ZNF600: variants seen among roughly 807,000 people sequenced by gnomAD.
ZNF600 encodes zinc finger protein KR-ZNF1.
Under a neutral mutation model 7.3 loss-of-function variants are expected in ZNF600, and 4 were observed. The observed-to-expected ratio is 0.55, with a 90% CI of 0.27 to 1.25. The LOEUF (loss-of-function observed/expected upper bound fraction) is 1.25. Ranked by LOEUF, ZNF600 falls within the 50% of genes most tolerant of loss-of-function variation. The probability of loss-of-function intolerance (pLI) is 0.12; values close to 1 mark genes in which losing one functional copy is unlikely to be tolerated. For synonymous variants in ZNF600, 290 were observed against 308.9 expected (o/e 0.94, Z 0.64); for missense variants, 911 against 922.1 (o/e 0.99, Z 0.16).
chr19:52,782,078 A>C (rs1411327104), intron 1 of ZNF600, among the ~76,000 whole-genome samples: 1 of 151,718 alleles, frequency 6.6e-6, no homozygotes, highest in Non-Finnish European at 1.5e-5. Flanking sequence ...ATATCTAAAC[A>C]TTAGCCAGGC....
chr19:52,793,506 C>T, the ZNF600 span, among the ~76,000 whole-genome samples: 1 of 152,064 alleles, frequency 6.6e-6, no homozygotes, highest in African/African-American at 2.4e-5. Flanking sequence ...GGAAAGCAGC[C>T]CGTGTGGCTG....
chr19:52,784,111 C>G (rs983739269), intron 1 of ZNF600, among the ~76,000 whole-genome samples: 2 of 152,090 alleles, frequency 1.3e-5, no homozygotes, highest in Non-Finnish European at 2.9e-5. Flanking sequence ...TAGGTAGGCC[C>G]GGCATGGCGG....
chr19:52,770,691 C>T (rs1261232961), intron 3 of ZNF600, among the ~76,000 whole-genome samples: 8 of 152,006 alleles, frequency 5.3e-5, no homozygotes, highest in Non-Finnish European at 8.8e-5. Context: ...TTCCCTGGCC[C>T]GAATGTTCAC....
chr19:52,786,567 C>G (rs1326382172), intron 1 of ZNF600, 28 bp downstream of exon 1: 1 of 169,542 alleles, frequency 5.9e-6, no homozygotes, highest in Non-Finnish European at 1.3e-5. Context: ...ACTTCAAACC[C>G]AAAAGCAAGC....
the ZNF600 span, among the ~76,000 whole-genome samples, chr19:52,827,916 C>T: frequency 1.3e-5 from 2 of 152,052 alleles, no homozygotes; most frequent in African/African-American, 2.4e-5. Context: ...AAACGTGTCA[C>T]GCAGGACGCT....
chr19:52,766,170 T>C (rs2062573052), exon 4 of ZNF600: 12 of 1,614,120 alleles, frequency 7.4e-6, no homozygotes, highest in Non-Finnish European at 1.0e-5. Flanking sequence ...GCTGCACTCA[T>C]TACACTTGTA....
the ZNF600 span, chr19:52,810,156 A>C: frequency 7.5e-6 from 7 of 927,668 alleles, no homozygotes; most frequent in Non-Finnish European, 1.1e-5. Context: ...GCTGGAAGCT[A>C]TCGAAGCTGG....
exon 4 of ZNF600, chr19:52,766,712 A>G: frequency 1.2e-6 from 2 of 1,613,976 alleles, no homozygotes; most frequent in Non-Finnish European, 1.7e-6. Context: ...GAATTCTTTT[A>G]TGTCTTGCCA....
At chr19:52,822,589 C>G in the ZNF600 span, among the ~76,000 whole-genome samples, 2 of 152,082 alleles carry the variant, frequency 1.3e-5, no homozygotes, top group Admixed American at 6.5e-5. Context: ...TCTATGCAAC[C>G]CGTTAAGTAC....
chr19:52,829,819 G>C, the ZNF600 span, among the ~76,000 whole-genome samples: 5 of 151,936 alleles, frequency 3.3e-5, no homozygotes, highest in African/African-American at 4.8e-5. Context: ...GCCAGTCTAA[G>C]CTGTTTCTGA....
At chr19:52,811,740 C>T in the ZNF600 span, among the ~76,000 whole-genome samples, 6 of 149,608 alleles carry the variant, frequency 4.0e-5, no homozygotes, top group African/African-American at 5.0e-5. Context: ...GCCCGGCAGC[C>T]GCCCCGTCCG....
At chr19:52,832,761 TTCTC>T in the ZNF600 span, among the ~76,000 whole-genome samples, 5 of 151,854 alleles carry the variant, frequency 3.3e-5, no homozygotes, top group South Asian at 2.1e-4. Context: ...GAGCGACATT[TTCTC>T]TCTCTCTCTC....
chr19:52,793,856 G>A, the ZNF600 span, among the ~76,000 whole-genome samples: 5 of 151,352 alleles, frequency 3.3e-5, no homozygotes, highest in East Asian at 9.7e-4. Flanking sequence ...ATGTATACGT[G>A]TAACTTTCTC....
At chr19:52,765,956 A>G in exon 4 of ZNF600, 1 of 1,614,228 alleles carries the variant, frequency 6.2e-7, no homozygotes, top group Non-Finnish European at 8.5e-7. Context: ...GAATTCTGGT[A>G]TGTCTTGCCA....
the ZNF600 span, among the ~76,000 whole-genome samples, chr19:52,821,185 C>G: frequency 6.6e-6 from 1 of 151,518 alleles, no homozygotes; most frequent in African/African-American, 2.4e-5. Flanking sequence ...ATCCCAGGAC[C>G]ACAGAACGCA....
rs866741402 is a variant in ZNF600 at position 52,778,701 on chromosome 19, C to T, written c.63+125G>A. ...GCAGCTGAGAGGAACTAAGGGCAGG[C>T]ATGGCTGAGTGTGAGTGAACGTGTC... On this transcript the variant is annotated intron_variant, in intron 2 of 3. Coordinates refer to ENST00000648973, the Ensembl canonical transcript of ZNF600. 3 of 1,311,572 alleles carry T rather than the reference C, an allele frequency of 2.3e-6. No homozygotes were observed. In the Middle Eastern group the frequency reaches 6.0e-4, roughly 260 times the overall value. The allele number at this position is 1,311,572 out of a possible 1,614,324, so 81.2% of individuals were successfully genotyped here.
the ZNF600 span, among the ~76,000 whole-genome samples, chr19:52,812,429 A>T: frequency 0.61 from 65,905 of 108,382 alleles, 21,915 homozygotes; most frequent in Non-Finnish European, 0.7. Context: ...TAAGAAAAAT[A>T]CTTCTGCCTT....
At chr19:52,810,148 T>C in the ZNF600 span, 14 of 916,888 alleles carry the variant, frequency 1.5e-5, no homozygotes, top group African/African-American at 1.8e-4. Context: ...GACCCGGGGC[T>C]GGAAGCTATC....
the ZNF600 span, chr19:52,800,355 C>T: frequency 2.5e-6 from 4 of 1,613,980 alleles, no homozygotes; most frequent in Non-Finnish European, 1.7e-6. Flanking sequence ...ACAAACCTTA[C>T]ATTTGTATGG....
Sources: gnomAD v4.1 joint callset for allele counts (sites outside exome capture counted in the v4.1 genomes callset) on GRCh38, gnomAD v4.1.1 for gene constraint, MANE v1.5 for transcripts, NCBI Gene and HGNC (gene_info 2026-07-23, HGNC 2026-07-21) for gene names.